CIB4: variants seen among roughly 807,000 people sequenced by gnomAD.
CIB4 encodes the protein calcium and integrin binding family member 4.
A neutral mutation model predicts 25.8 loss-of-function variants in CIB4; 25 were observed. The ratio of observed to expected loss-of-function variants is 0.97; its 90% CI spans 0.71 to 1.35. CIB4 has a LOEUF of 1.35. CIB4 is among the 40% of genes most tolerant of loss of function. The pLI, the probability that CIB4 is intolerant of heterozygous loss-of-function variation, is 0.00. For synonymous variants in CIB4, 75 were observed against 81.4 expected (o/e 0.92, Z 0.42); for missense variants, 235 against 228.2 (o/e 1.03, Z -0.19).
intron 4 of CIB4, among the ~76,000 whole-genome samples, chr2:26,593,152 C>T (rs554498827): frequency 1.3e-5 from 2 of 152,304 alleles, no homozygotes; most frequent in Non-Finnish European, 2.9e-5. Context: ...CATTGATGCT[C>T]CTGGTTCTTG....
intron 3 of CIB4, 146 bp downstream of exon 3, chr2:26,629,264 T>A: frequency 3.2e-6 from 2 of 633,412 alleles, no homozygotes; most frequent in Non-Finnish European, 5.7e-6. Flanking sequence ...TGCACTCCTC[T>A]GCCTGGAGGA....
chr2:26,608,972 T>C (rs1325221882), intron 3 of CIB4, among the ~76,000 whole-genome samples: 2 of 152,148 alleles, frequency 1.3e-5, no homozygotes, highest in African/African-American at 2.4e-5. Context: ...TTCCCTCTTC[T>C]AATTTCTGCC....
At chr2:26,602,898 A>C (rs1668819795) in intron 3 of CIB4, among the ~76,000 whole-genome samples, 1 of 152,234 alleles carries the variant, frequency 6.6e-6, no homozygotes, top group African/African-American at 2.4e-5. Flanking sequence ...CATCTCTAAA[A>C]AATTAAAATA....
At chr2:26,629,216 G>A (rs772064865) in intron 3 of CIB4, among the ~76,000 whole-genome samples, 194 bp downstream of exon 3, 25 of 152,150 alleles carry the variant, frequency 1.6e-4, no homozygotes, top group African/African-American at 5.8e-4. Flanking sequence ...ATGGAGGGAG[G>A]CCAGATGCAT....
intron 2 of CIB4, among the ~76,000 whole-genome samples, chr2:26,639,194 C>CTT (rs56799418): frequency 2.1e-5 from 3 of 141,782 alleles, no homozygotes; most frequent in Admixed American, 7.1e-5. Flanking sequence ...TTTGAATTTT[C>CTT]TTTTTTTTTT....
At chr2:26,610,214 T>G (rs761933485) in intron 3 of CIB4, among the ~76,000 whole-genome samples, 1 of 150,390 alleles carries the variant, frequency 6.6e-6, no homozygotes, top group Non-Finnish European at 1.5e-5. Context: ...CCCTGTGAAC[T>G]CTGCAGGCTG....
chr2:26,589,727 T>C (rs1283135111), intron 4 of CIB4, among the ~76,000 whole-genome samples: 1 of 152,200 alleles, frequency 6.6e-6, no homozygotes, highest in Non-Finnish European at 1.5e-5. Flanking sequence ...TGTAGCTGGA[T>C]GTTTTAAGTC....
At position 26,604,170 on chromosome 2, in the gene CIB4, A is replaced by G. The variant is rs183431525; in HGVS notation, c.187-8853T>C. ...AGAGGCAGGAGGATCGCTTGAGCCC[A>G]GGAGTTCGAGACCAGTCTGGGCAGT... On this transcript the variant is annotated intron_variant, in intron 3 of 6. Transcript: ENST00000288861. 9.6e-4 allele frequency among the ~76,000 whole-genome samples: 146 copies of G among 152,268 alleles called. No homozygotes were observed. In the South Asian group the frequency reaches 0.013, roughly 14 times the overall value.
At chr2:26,585,779 C>T (rs1042645221) in intron 4 of CIB4, among the ~76,000 whole-genome samples, 10 of 152,062 alleles carry the variant, frequency 6.6e-5, no homozygotes, top group African/African-American at 2.4e-4. Flanking sequence ...TCCCCGAACT[C>T]CAGGCTCACA....
intron 2 of CIB4, among the ~76,000 whole-genome samples, chr2:26,630,232 G>A (rs111453444): frequency 2.0e-5 from 3 of 152,190 alleles, no homozygotes; most frequent in Non-Finnish European, 4.4e-5. Context: ...GGCTAAGAGA[G>A]GATGAGCCCT....
In CIB4 at chr2:26,621,187, G is replaced by A. The variant is rs574610282; in HGVS notation, c.186+8223C>T. 2.7e-4 allele frequency among the ~76,000 whole-genome samples: 39 copies of A among 145,840 alleles called. 1 individual carries two copies. The South Asian group carries it at 8.2e-3, about 31-fold the overall frequency. On this transcript the variant is annotated intron_variant, in intron 3 of 6. Transcript: ENST00000288861. ...CTCACACACAGGGGAAAGGACTCGT[G>A]CCAACAATTATTGTTGGGAATATCA...
intron 3 of CIB4, among the ~76,000 whole-genome samples, chr2:26,617,147 T>TGCGCGC (rs747808635): frequency 6.6e-6 from 1 of 150,412 alleles, no homozygotes; most frequent in African/African-American, 2.5e-5. Context: ...TGTGTGTGTG[T>TGCGCGC]GCACGTGAGC....
intron 3 of CIB4, among the ~76,000 whole-genome samples, chr2:26,625,603 C>G (rs1432786761): frequency 6.6e-6 from 1 of 152,206 alleles, no homozygotes; most frequent in Non-Finnish European, 1.5e-5. Context: ...CCACCCGCTT[C>G]GGCCTCCCAA....
chr2:26,632,360 G>T (rs191910637), intron 2 of CIB4, among the ~76,000 whole-genome samples: 264 of 152,324 alleles, frequency 1.7e-3, no homozygotes, highest in Non-Finnish European at 2.9e-3. Flanking sequence ...GAACGGGTTG[G>T]GGGAGAGATT....
At chr2:26,590,958 A>T (rs1298902148) in intron 4 of CIB4, among the ~76,000 whole-genome samples, 1 of 152,210 alleles carries the variant, frequency 6.6e-6, no homozygotes, top group East Asian at 1.9e-4. Context: ...ACCTCTGGGG[A>T]CAGTGGGTGT....
chr2:26,604,418 A>G (rs1318400131), intron 3 of CIB4, among the ~76,000 whole-genome samples: 1 of 152,134 alleles, frequency 6.6e-6, no homozygotes, highest in African/African-American at 2.4e-5. Flanking sequence ...ATCTTTCTCC[A>G]GAGGCAGGAA....
At chr2:26,583,746 T>C (rs1345261606) in intron 5 of CIB4, 43 bp downstream of exon 5, 1 of 1,345,018 alleles carries the variant, frequency 7.4e-7, no homozygotes, top group Non-Finnish European at 1.1e-6. Flanking sequence ...ACCTGGCCCC[T>C]ATCCCCGGCC....
chr2:26,597,375 A>AC (rs1275599385), intron 3 of CIB4, among the ~76,000 whole-genome samples: 2 of 152,100 alleles, frequency 1.3e-5, no homozygotes, highest in African/African-American at 4.8e-5. Flanking sequence ...GTGATTTAAG[A>AC]CATATAGCCC....
intron 3 of CIB4, among the ~76,000 whole-genome samples, chr2:26,607,695 A>C (rs962069513): frequency 6.6e-6 from 1 of 152,136 alleles, no homozygotes; most frequent in Non-Finnish European, 1.5e-5. Context: ...CCCCCACCCC[A>C]CTTCACCTGT....
Sources: allele counts gnomAD v4.1 joint callset (sites outside exome capture counted in the v4.1 genomes callset), GRCh38; gene constraint gnomAD v4.1.1; transcripts MANE v1.5; gene names NCBI Gene and HGNC (gene_info 2026-07-23, HGNC 2026-07-21).